ADGRG4: variants seen among roughly 807,000 people sequenced by gnomAD.
ADGRG4 encodes adhesion G protein-coupled receptor G4.
In ADGRG4, 122 loss-of-function variants were observed where a neutral mutation model predicts 126.2. That is an observed-to-expected ratio of 0.97 (90% CI 0.83 to 1.12). The LOEUF is 1.12. Ranked by LOEUF, ADGRG4 falls within the 50% of genes most tolerant of loss-of-function variation. ADGRG4 has a pLI of 0.00. For missense variants in ADGRG4, 2,481 were observed against 2,251.8 expected, an observed-to-expected ratio of 1.10 and a Z score of -2.06; for synonymous variants, 943 against 838.7, an observed-to-expected ratio of 1.12 and a Z score of -2.15.
At chrX:136,320,566 T>C (rs2074833606) in intron 4 of ADGRG4, among the ~76,000 whole-genome samples, 1 of 111,890 alleles carries the variant, frequency 8.9e-6, no homozygotes, top group Non-Finnish European at 1.9e-5. Flanking sequence ...TTGGCCTTTA[T>C]ATTTCTGCTT....
chrX:136,315,536 G>A (rs1169482270), intron 4 of ADGRG4, among the ~76,000 whole-genome samples: 1 of 110,533 alleles, frequency 9.0e-6, no homozygotes, highest in Non-Finnish European at 1.9e-5. Flanking sequence ...GCCTCTGGTG[G>A]GCCCTTTTCC....
In ADGRG4 at chrX:136,349,199, CT is replaced by C; in HGVS notation, c.5494del (p.Ser1832LeufsTer2). On this transcript the variant is annotated frameshift_variant, in exon 6 of 26. Transcript: ENST00000394143. LOFTEE classifies it high-confidence loss of function. ...PWTPSSATLPSLTSFVYSPHS... is the reference protein window; with the variant it reads ...PWTPSSATLPXLTSFVYSPHS... ...GGACCCCATCCAGTGCAACTCTACC[CT>C]CTTTGACATCATTTGTTTATTCACC... The C allele has an allele frequency of 8.3e-7, 1 of 1,206,287 alleles. No individual in the cohort carries two copies. Among genetic ancestry groups the C allele is most frequent in the Non-Finnish European group, 1.1e-6 (1 of 891,657 alleles).
Position 136,347,654 on chromosome X carries a change from A to C in ADGRG4, c.3948A>C (p.Ser1316=). ...KISSHQTHSP[S]EIPLGTPSDG... is the part of the protein sequence containing the mutation. The stretch of plus-strand genomic sequence containing the variant: ...CCAGTCACCAAACACATTCGCCTTC[A>C]GAGATTCCACTTGGGACTCCCTCTG... The change falls in exon 6 of 26, where the codon TCA becomes TCC. Residue 1316 remains serine (S), a synonymous_variant. Coordinates refer to ENST00000394143, the MANE Select transcript of ADGRG4 (RefSeq NM_153834.4). 1 of 1,210,711 alleles carries C rather than the reference A, an allele frequency of 8.3e-7. No individual in the cohort carries two copies. Among genetic ancestry groups the C allele is most frequent in the Non-Finnish European group, 1.1e-6 (1 of 894,856 alleles).
intron 25 of ADGRG4, among the ~76,000 whole-genome samples, chrX:136,414,923 A>T (rs2075468001): frequency 8.9e-6 from 1 of 112,332 alleles, no homozygotes; most frequent in African/African-American, 3.2e-5. Context: ...GCTGAGACAG[A>T]TGTTCAGTTG....
intron 4 of ADGRG4, among the ~76,000 whole-genome samples, chrX:136,319,751 C>CT (rs1556649875): frequency 7.3e-5 from 7 of 96,325 alleles, no homozygotes; most frequent in African/African-American, 1.9e-4. Context: ...ATCTATCTAT[C>CT]ATCTATCTAT....
chrX:136,386,027 A>T (rs1393840799), intron 15 of ADGRG4, among the ~76,000 whole-genome samples: 2 of 111,562 alleles, frequency 1.8e-5, no homozygotes, highest in Non-Finnish European at 3.8e-5. Flanking sequence ...TAAAAAAAAA[A>T]TCAAAGTTTT....
Position 136,365,088 on chromosome X carries a change from G to A in ADGRG4, c.7396+1493G>A, listed in dbSNP as rs191661627. 6.2e-4 allele frequency among the ~76,000 whole-genome samples: 70 copies of A among 112,095 alleles called. 1 individual carries two copies. Among genetic ancestry groups the A allele is most frequent in the South Asian group, 2.6e-3 (7 of 2,661 alleles). ...TCTGGATCTTTTTGCGATGTGATAAGCAGAAATTGATATCTCAATGTAGTT... is the reference window on the plus strand; with the variant it reads ...TCTGGATCTTTTTGCGATGTGATAAACAGAAATTGATATCTCAATGTAGTT... On this transcript the variant is annotated intron_variant, in intron 13 of 25. Transcript: ENST00000394143.
intron 4 of ADGRG4, among the ~76,000 whole-genome samples, chrX:136,321,905 C>T (rs995695044): frequency 4.5e-5 from 5 of 112,165 alleles, no homozygotes. Context: ...CTGGCATAGA[C>T]TATAATGTGA....
intron 4 of ADGRG4, among the ~76,000 whole-genome samples, chrX:136,310,212 A>G (rs942991546): frequency 2.7e-5 from 3 of 110,337 alleles, no homozygotes; most frequent in African/African-American, 9.9e-5. Flanking sequence ...CAGTGACGCA[A>G]TCTTGGCTCA....
intron 14 of ADGRG4, among the ~76,000 whole-genome samples, chrX:136,372,310 G>C (rs1489032012): frequency 2.7e-5 from 3 of 111,389 alleles, no homozygotes; most frequent in African/African-American, 9.8e-5. Context: ...TATTTTGGTG[G>C]AATTCTTTTA....
intron 9 of ADGRG4, among the ~76,000 whole-genome samples, chrX:136,357,272 TG>T (rs201442142): frequency 0.017 from 1,875 of 112,047 alleles, 35 homozygotes; most frequent in African/African-American, 0.057. Context: ...TTTCCTCATC[TG>T]TAAGATGAGG....
intron 21 of ADGRG4, among the ~76,000 whole-genome samples, chrX:136,401,751 A>G (rs575935065): frequency 4.5e-5 from 5 of 112,016 alleles, no homozygotes; most frequent in Non-Finnish European, 9.4e-5. Context: ...GTGGCTGAGG[A>G]GCTAGTTTTG....
chrX:136,322,944 T>C lies in ADGRG4; in HGVS notation c.237T>C (p.Asn79=), dbSNP rs747921365. 2.5e-6 allele frequency: 3 copies of C among 1,210,498 alleles called. No homozygotes were observed. Among genetic ancestry groups the C allele is most frequent in the Non-Finnish European group, 3.4e-6 (3 of 894,320 alleles). The change falls in exon 5 of 26, where the codon AAT becomes AAC. Residue 79 remains asparagine, a synonymous_variant. Transcript: ENST00000394143. ...GGATGGCCTTCTCTTATATTACTAATAACGCCCTCCTGGGCAGAGAAGACA... is the reference window on the plus strand; with the variant it reads ...GGATGGCCTTCTCTTATATTACTAACAACGCCCTCCTGGGCAGAGAAGACA... ...RYWMAFSYIT[N]NALLGREDID...
intron 19 of ADGRG4, among the ~76,000 whole-genome samples, chrX:136,397,273 T>C (rs770927666): frequency 2.2e-4 from 24 of 111,579 alleles, no homozygotes; most frequent in Non-Finnish European, 3.8e-4. Flanking sequence ...ACTACCAAAG[T>C]AAACACTGCT....
At chrX:136,337,363 A>G (rs1476457491) in intron 5 of ADGRG4, among the ~76,000 whole-genome samples, 2 of 112,197 alleles carry the variant, frequency 1.8e-5, no homozygotes, top group African/African-American at 3.2e-5. Flanking sequence ...GAAAAGGATC[A>G]TCTATTTTAT....
intron 4 of ADGRG4, among the ~76,000 whole-genome samples, chrX:136,313,639 T>G (rs2074787534): frequency 8.9e-6 from 1 of 112,265 alleles, no homozygotes; most frequent in Non-Finnish European, 1.9e-5. Context: ...GGAGGGTGAC[T>G]GACCACCATA....
chrX:136,352,203 G>T (rs753692721), intron 7 of ADGRG4, among the ~76,000 whole-genome samples: 62 of 111,739 alleles, frequency 5.5e-4, no homozygotes, highest in African/African-American at 1.8e-3. Context: ...TTTTCAACTT[G>T]CTCCCCCTCC....
At chrX:136,374,416 T>C (rs1222267284) in intron 15 of ADGRG4, among the ~76,000 whole-genome samples, 2 of 110,788 alleles carry the variant, frequency 1.8e-5, no homozygotes, top group Non-Finnish European at 3.8e-5. Context: ...TAGGTACATG[T>C]TTATTATTTA....
chrX:136,401,116 G>T (rs897263494), intron 21 of ADGRG4, among the ~76,000 whole-genome samples: 1 of 111,787 alleles, frequency 8.9e-6, no homozygotes, highest in African/African-American at 3.3e-5. Context: ...TATTATCTAT[G>T]TTAATATGGG....
Sources: allele counts gnomAD v4.1 joint callset (sites outside exome capture counted in the v4.1 genomes callset), GRCh38; gene constraint gnomAD v4.1.1; transcripts MANE v1.5; gene names NCBI Gene and HGNC (gene_info 2026-07-23, HGNC 2026-07-21).